The following BPTF variants were observed in gnomAD, a reference collection of about 807,000 sequenced individuals.
The protein encoded by BPTF is bromodomain PHD finger transcription factor.
BPTF carries 18 observed loss-of-function variants against 292.5 expected under a neutral mutation model. The ratio of observed to expected loss-of-function variants is 0.06; its 90% confidence interval spans 0.04 to 0.09. The LOEUF (loss-of-function observed/expected upper bound fraction) is 0.09, where lower values mean the gene tolerates loss of function less well. Ranked by LOEUF, BPTF falls within the 10% of genes least tolerant of loss-of-function variation. BPTF has a pLI of 1.00. For missense variants in BPTF, 2,726 were observed against 3,498.7 expected (o/e 0.78, Z 5.57); for synonymous variants, 1,225 against 1,251.9 (o/e 0.98, Z 0.45).
At chr17:67,881,340 C>T (rs1349654532) in intron 4 of BPTF, among the ~76,000 whole-genome samples, 1 of 151,988 alleles carries the variant, frequency 6.6e-6, no homozygotes, top group Non-Finnish European at 1.5e-5. Flanking sequence ...AAAGAATGTG[C>T]TGGTTAATTG....
intron 9 of BPTF, 46 bp from the exon 10 acceptor site, chr17:67,909,536 A>G (rs371842346): frequency 2.3e-6 from 3 of 1,310,024 alleles, no homozygotes; most frequent in African/African-American, 1.5e-5. Flanking sequence ...TTAAAGTGCT[A>G]ATACTCTGGA....
intron 24 of BPTF, among the ~76,000 whole-genome samples, chr17:67,962,352 T>G (rs1425969667): frequency 2.0e-5 from 3 of 152,186 alleles, no homozygotes; most frequent in African/African-American, 7.2e-5. Context: ...CACTATGACT[T>G]TGACATGGTG....
chr17:67,851,608 T>A (rs1264584418), intron 1 of BPTF, among the ~76,000 whole-genome samples: 1 of 152,218 alleles, frequency 6.6e-6, no homozygotes, highest in Non-Finnish European at 1.5e-5. Context: ...TTTATAGAGC[T>A]TTTGTTTTCA....
intron 17 of BPTF, 112 bp downstream of exon 17, chr17:67,929,599 T>A: frequency 7.8e-7 from 1 of 1,285,786 alleles, no homozygotes; most frequent in Non-Finnish European, 1.1e-6. Flanking sequence ...TATTACTGAA[T>A]CTGTGACAGA....
intron 7 of BPTF, 73 bp from the exon 8 acceptor site, chr17:67,903,716 T>G (rs2062002035): frequency 7.3e-7 from 1 of 1,370,274 alleles, no homozygotes; most frequent in Non-Finnish European, 9.7e-7. Context: ...TTCCTAATTT[T>G]TCAGTATTGC....
intron 16 of BPTF, chr17:67,929,128 A>T: frequency 2.2e-6 from 3 of 1,349,524 alleles, no homozygotes; most frequent in Non-Finnish European, 2.9e-6. Context: ...GAGGTAAGGG[A>T]AATGTGAAGT....
chr17:67,871,018 G>C (rs936650802), intron 3 of BPTF, among the ~76,000 whole-genome samples: 1 of 151,718 alleles, frequency 6.6e-6, no homozygotes, highest in Non-Finnish European at 1.5e-5. Flanking sequence ...TGATCCGCCC[G>C]CCTCGGCCTC....
At chr17:67,843,977 C>G (rs2057802217) in intron 1 of BPTF, among the ~76,000 whole-genome samples, 1 of 149,026 alleles carries the variant, frequency 6.7e-6, no homozygotes, top group South Asian at 2.1e-4. Flanking sequence ...GTTGGTCAGG[C>G]TGGTCTCAAA....
rs773377445 is a variant in BPTF at position 67,875,637 on chromosome 17, C to A, written c.1864+617C>A. Reference sequence around the variant, plus strand: ...ACAACAAATGCAACTTCAGAAGAGACTAGTCCCTCTGAAGGGAGGAGCCCT... The same window carrying A: ...ACAACAAATGCAACTTCAGAAGAGAATAGTCCCTCTGAAGGGAGGAGCCCT... On this transcript the variant is annotated intron_variant, in intron 4 of 27. Coordinates refer to ENST00000306378, the MANE Select transcript of BPTF (RefSeq NM_182641.4). 4 of 1,607,620 alleles carry A rather than the reference C, an allele frequency of 2.5e-6. No homozygotes were observed. The South Asian group carries it at 3.3e-5, about 13-fold the overall frequency.
intron 11 of BPTF, among the ~76,000 whole-genome samples, chr17:67,916,549 C>T (rs1435277403): frequency 6.6e-6 from 1 of 151,938 alleles, no homozygotes; most frequent in African/African-American, 2.4e-5. Flanking sequence ...GAGATCGCGC[C>T]ATTGCACTCC....
Position 67,854,266 on chromosome 17 carries a change from G to A in BPTF, c.940G>A (p.Val314Ile), listed in dbSNP as rs2058574557. The A allele has an allele frequency of 3.7e-6, 6 of 1,614,186 alleles. No individual in the cohort carries two copies. Among genetic ancestry groups the A allele is most frequent in the Non-Finnish European group, 4.2e-6 (5 of 1,180,020 alleles). Residue 314 changes from valine to isoleucine, a missense_variant, in exon 2 of 28, where the codon GTT (valine) becomes ATT (isoleucine). Physicochemically the swap from Val to Ile is conservative, Grantham distance 29. Around this residue, in one of 22 missense-constraint regions of BPTF, gnomAD observed 102 missense variants for 212.6 expected, o/e 0.48. Coordinates refer to ENST00000306378, the MANE Select transcript of BPTF (RefSeq NM_182641.4). This position sits in a 1 kb window ranked among gnomAD's most constrained non-coding sequence, Gnocchi z 5.6. The stretch of plus-strand genomic sequence containing the variant: ...TGGACCTGCTGATCTGAAAGATAGC[G>A]TTAATTCCACACTGTATTTCATAGA... ...TFGPADLKDS[V>I]NSTLYFIDGM...
At chr17:67,929,224 T>C (rs2064157969) in intron 16 of BPTF, 112 bp from the exon 17 acceptor site, 6 of 1,499,008 alleles carry the variant, frequency 4.0e-6, no homozygotes, top group African/African-American at 2.8e-5. Context: ...TCACATTCTA[T>C]GTAGCCCACT....
At chr17:67,888,561 G>C (rs2060892050) in intron 4 of BPTF, among the ~76,000 whole-genome samples, 1 of 130,598 alleles carries the variant, frequency 7.7e-6, no homozygotes, top group African/African-American at 2.9e-5. Flanking sequence ...CTGCACTCCA[G>C]TCTGGGTGAC....
At chr17:67,968,888 G>A (rs1219968265) in intron 26 of BPTF, among the ~76,000 whole-genome samples, 4 of 150,870 alleles carry the variant, frequency 2.7e-5, no homozygotes, top group African/African-American at 4.9e-5. Flanking sequence ...AGGCTGAGGC[G>A]GAGAATTGCT....
intron 27 of BPTF, among the ~76,000 whole-genome samples, chr17:67,979,442 G>A (rs1382198920): frequency 4.6e-5 from 7 of 151,150 alleles, no homozygotes; most frequent in Non-Finnish European, 1.0e-4. Flanking sequence ...AGCTACTCAG[G>A]AGGCTGAGAC....
At chr17:67,868,585 T>G (rs1411429043) in intron 3 of BPTF, among the ~76,000 whole-genome samples, 2 of 152,248 alleles carry the variant, frequency 1.3e-5, no homozygotes, top group East Asian at 1.9e-4. Flanking sequence ...ATAGTGCCTT[T>G]TAAGTTTTAG....
intron 26 of BPTF, among the ~76,000 whole-genome samples, chr17:67,968,606 G>A (rs1204946429): frequency 4.0e-5 from 6 of 150,840 alleles, no homozygotes; most frequent in Admixed American, 6.6e-5. Flanking sequence ...GTGAAACCCC[G>A]TGTTAGCCCG....
At chr17:67,962,139 G>GA (rs1275900281) in intron 24 of BPTF, among the ~76,000 whole-genome samples, 1 of 22,842 alleles carries the variant, frequency 4.4e-5, no homozygotes, top group Non-Finnish European at 3.3e-4. Context: ...CGAGACAAAA[G>GA]AAAAAAAGAA....
chr17:67,871,061 G>A (rs375884837), intron 3 of BPTF, among the ~76,000 whole-genome samples: 53 of 151,920 alleles, frequency 3.5e-4, no homozygotes, highest in Non-Finnish European at 6.8e-4. Flanking sequence ...GTGAGCCACC[G>A]CGCCCGGCCG....
Sources: allele counts gnomAD v4.1 joint callset (sites outside exome capture counted in the v4.1 genomes callset), GRCh38; gene constraint gnomAD v4.1.1; regional missense constraint gnomAD v4.1.1; non-coding constraint Gnocchi (gnomAD v3.1); transcripts MANE v1.5; gene names NCBI Gene and HGNC (gene_info 2026-07-23, HGNC 2026-07-21).